Variants in TNFRSF10D observed in about 807,000 individuals in gnomAD.
The protein encoded by TNFRSF10D is tumor necrosis factor receptor superfamily member 10D.
TNFRSF10D carries 28 observed loss-of-function variants against 42.1 expected under a neutral mutation model. The ratio of observed to expected loss-of-function variants is 0.66; its 90% CI spans 0.49 to 0.91. The LOEUF (loss-of-function observed/expected upper bound fraction) is 0.91, where lower values mean the gene tolerates loss of function less well. TNFRSF10D is among the 40% of genes least tolerant of loss of function. The pLI is 0.00. For missense variants in TNFRSF10D, 503 were observed against 486.1 expected (o/e 1.03, Z -0.33); for synonymous variants, 186 against 189.4 (o/e 0.98, Z 0.15).
At chr8:23,163,347 C>T (rs1213643214) in intron 1 of TNFRSF10D, among the ~76,000 whole-genome samples, 5 of 152,178 alleles carry the variant, frequency 3.3e-5, no homozygotes. Flanking sequence ...AGGTGATCCG[C>T]CCGCCTCGGC....
chr8:23,160,561 G>C (rs1017635869), intron 1 of TNFRSF10D, among the ~76,000 whole-genome samples: 4 of 152,232 alleles, frequency 2.6e-5, no homozygotes, highest in African/African-American at 9.6e-5. Context: ...AAAACAACCT[G>C]CCCTCATGTC....
intron 1 of TNFRSF10D, among the ~76,000 whole-genome samples, chr8:23,155,544 C>T (rs546982013): frequency 1.3e-5 from 2 of 152,002 alleles, no homozygotes; most frequent in East Asian, 3.9e-4. Flanking sequence ...ACAGTGAAAC[C>T]CCGTCTCTAC....
rs1321747604 is a variant in TNFRSF10D at position 23,149,161 on chromosome 8, G to A, written c.257-610C>T. On this transcript the variant is annotated intron_variant, in intron 2 of 8. Coordinates refer to ENST00000312584, the MANE Select transcript of TNFRSF10D (RefSeq NM_003840.5). ...GCTGAGACTGTGCCACTGAACTCCAGCCTGGGCGACAGAGCAAGACTCTGT... is the reference window on the plus strand; with the variant it reads ...GCTGAGACTGTGCCACTGAACTCCAACCTGGGCGACAGAGCAAGACTCTGT... 2.3e-5 allele frequency among the ~76,000 whole-genome samples: 3 copies of A among 129,062 alleles called. No individual in the cohort carries two copies. In the Admixed American group the frequency reaches 2.6e-4, roughly 11 times the overall value. 84.7% of individuals were successfully genotyped at this position (129,062 alleles called of 152,430 possible).
At chr8:23,144,185 T>G (rs956709327) in intron 7 of TNFRSF10D, among the ~76,000 whole-genome samples, 1 of 152,228 alleles carries the variant, frequency 6.6e-6, no homozygotes, top group Non-Finnish European at 1.5e-5. Flanking sequence ...CAGTCCTCAG[T>G]GAACCCTGTG....
intron 1 of TNFRSF10D, among the ~76,000 whole-genome samples, chr8:23,157,106 A>G (rs1381256549): frequency 6.6e-6 from 1 of 152,102 alleles, no homozygotes; most frequent in Non-Finnish European, 1.5e-5. Flanking sequence ...TTTTTAATAT[A>G]CTCATAGCTA....
Position 23,154,548 on chromosome 8 carries a change from A to G in TNFRSF10D, c.256+326T>C, listed in dbSNP as rs1005203485. On this transcript the variant is annotated intron_variant, in intron 2 of 8. Transcript: ENST00000312584. ...TTTTATCTACTTTTATTGACATGTT[A>G]TCATTTTCATTATTTTTTCCACATA... is the stretch of plus-strand genomic sequence containing the variant. Among the ~76,000 whole-genome samples the G allele has an allele frequency of 3.1e-4, 47 of 152,194 alleles. 2 individuals are homozygous for G. Among genetic ancestry groups the G allele is most frequent in the Non-Finnish European group, 7.3e-5 (5 of 68,030 alleles).
chr8:23,150,406 G>A (rs1800199006), intron 2 of TNFRSF10D, among the ~76,000 whole-genome samples: 1 of 152,210 alleles, frequency 6.6e-6, no homozygotes, highest in Non-Finnish European at 1.5e-5. Flanking sequence ...CTGGTGAAGG[G>A]CGTTCCCTGA....
chr8:23,148,987 G>C (rs564548117), intron 2 of TNFRSF10D, among the ~76,000 whole-genome samples: 1 of 151,466 alleles, frequency 6.6e-6, no homozygotes, highest in Non-Finnish European at 1.5e-5. Flanking sequence ...TCAGGAGATC[G>C]AGACCATCCT....
At chr8:23,142,274 A>AC (rs1205986005) in intron 7 of TNFRSF10D, among the ~76,000 whole-genome samples, 1 of 150,766 alleles carries the variant, frequency 6.6e-6, no homozygotes, top group African/African-American at 2.5e-5. Context: ...CCCTCTCAAA[A>AC]AAAAAAAGGG....
At chr8:23,147,444 T>C (rs1800136254) in intron 3 of TNFRSF10D, among the ~76,000 whole-genome samples, 1 of 152,098 alleles carries the variant, frequency 6.6e-6, no homozygotes, top group Admixed American at 6.5e-5. Flanking sequence ...ACCTGAAGGC[T>C]AAGTGAGGCC....
At position 23,143,364 on chromosome 8, in the gene TNFRSF10D, T is replaced by C. The variant is rs188810545; in HGVS notation, c.954+1086A>G. ...TGCAGCGCGGCCAGGTGCAGTGGCT[T>C]ATGCCTGTAATCCCACCACTTTGGG... On this transcript the variant is annotated intron_variant, in intron 7 of 8. Coordinates refer to ENST00000312584, the MANE Select transcript of TNFRSF10D (RefSeq NM_003840.5). Among the ~76,000 whole-genome samples the C allele has an allele frequency of 8.5e-4, 129 of 151,842 alleles. No homozygotes were observed. The South Asian group carries it at 0.014, about 16-fold the overall frequency.
intron 2 of TNFRSF10D, among the ~76,000 whole-genome samples, chr8:23,149,053 G>A (rs531214354): frequency 9.5e-4 from 144 of 151,074 alleles, no homozygotes; most frequent in African/African-American, 2.8e-3. Context: ...AGCCGGGCGT[G>A]GTGGCAGGCA....
In TNFRSF10D at chr8:23,148,450, C is replaced by A; in HGVS notation, c.358G>T (p.Val120Phe). The change falls in exon 3 of 9, where the codon GTT (valine) becomes TTT (phenylalanine). Residue 120 changes from valine to phenylalanine, a missense_variant. Val to Phe is a conservative substitution (Grantham distance 50). Transcript: ENST00000312584. ...ACACATTCTGTACCTGATTTACAAA[C>A]TGTACATAGCAGGCAAGAAGGCAAA... is the stretch of plus-strand genomic sequence containing the variant. The part of the protein sequence containing the change: ...NNLPSCLLCT[V>F]CKSGQTNKSS... The A allele has an allele frequency of 6.2e-7, 1 of 1,608,600 alleles. No homozygotes were observed. The highest frequency in any genetic ancestry group is 1.3e-5 in the African/African-American group (1 of 74,840).
intron 1 of TNFRSF10D, among the ~76,000 whole-genome samples, chr8:23,163,089 CTTTTTTTT>C (rs59385093): frequency 1.7e-5 from 1 of 57,200 alleles, no homozygotes; most frequent in Non-Finnish European, 3.0e-5. Context: ...GCCTGGCTAA[CTTTTTTTT>C]TTTTTTTTTT....
intron 1 of TNFRSF10D, among the ~76,000 whole-genome samples, chr8:23,158,842 T>G (rs1225828041): frequency 6.6e-6 from 1 of 152,222 alleles, no homozygotes; most frequent in East Asian, 1.9e-4. Flanking sequence ...TGTACATTTT[T>G]GAAGCATGTA....
chr8:23,148,454 A>G lies in TNFRSF10D; in HGVS notation c.354T>C (p.Cys118=). Reference sequence around the variant, plus strand: ...ATTCTGTACCTGATTTACAAACTGTACATAGCAGGCAAGAAGGCAAATTGT... The same window carrying G: ...ATTCTGTACCTGATTTACAAACTGTGCATAGCAGGCAAGAAGGCAAATTGT... ...ASNNLPSCLL[C]TVCKSGQTNK... The change falls in exon 3 of 9, where the codon TGT becomes TGC. Residue 118 remains cysteine (C), a synonymous_variant. Coordinates refer to ENST00000312584, the MANE Select transcript of TNFRSF10D (RefSeq NM_003840.5). 1 of 1,609,124 alleles carries G rather than the reference A, an allele frequency of 6.2e-7. No individual in the cohort carries two copies. The highest frequency in any genetic ancestry group is 1.7e-5 in the Admixed American group (1 of 59,870).
rs1186885965 is a variant in TNFRSF10D at position 23,137,686 on chromosome 8, A to G, written c.*184T>C. On this transcript the variant is annotated 3_prime_UTR_variant, in exon 9 of 9. Transcript: ENST00000312584. ...TTTCTCCCGTTTGCTTATCACACGC[A>G]GTATTTCATAAAAATTACTCCAAGT... 4.6e-6 allele frequency: 3 copies of G among 654,970 alleles called. No individual in the cohort carries two copies. The highest frequency in any genetic ancestry group is 5.7e-5 in the East Asian group (2 of 35,274). 40.6% of individuals were successfully genotyped at this position (654,970 alleles called of 1,614,324 possible).
intron 7 of TNFRSF10D, 134 bp downstream of exon 7, chr8:23,144,316 C>G: frequency 2.0e-6 from 2 of 1,003,166 alleles, no homozygotes; most frequent in Non-Finnish European, 2.9e-6. Flanking sequence ...CTGCTCCGTC[C>G]CCTGCAGTCC....
chr8:23,148,131 T>G (rs535081858), intron 3 of TNFRSF10D, among the ~76,000 whole-genome samples: 2 of 147,862 alleles, frequency 1.4e-5, no homozygotes, highest in South Asian at 4.3e-4. Context: ...TCCCAGCTAC[T>G]TAGGAGGCTG....
Sources: allele counts gnomAD v4.1 joint callset (sites outside exome capture counted in the v4.1 genomes callset), GRCh38; gene constraint gnomAD v4.1.1; transcripts MANE v1.5; gene names NCBI Gene and HGNC (gene_info 2026-07-23, HGNC 2026-07-21).